SH3D19: variants seen among roughly 807,000 people sequenced by gnomAD.
SH3D19 encodes the protein SH3 domain-containing protein 19.
A neutral mutation model predicts 112.1 loss-of-function variants in SH3D19; 58 were observed. That is an observed-to-expected ratio of 0.52 (90% CI 0.42 to 0.64). The LOEUF (loss-of-function observed/expected upper bound fraction) is 0.64, where lower values mean the gene tolerates loss of function less well. Ranked by LOEUF, SH3D19 falls within the 30% of genes least tolerant of loss-of-function variation. The probability of loss-of-function intolerance (pLI) is 0.00; values close to 1 mark genes in which losing one functional copy is unlikely to be tolerated. For synonymous variants in SH3D19, 391 were observed against 448.5 expected (o/e 0.87, Z 1.62); for missense variants, 1,090 against 1,263.4 (o/e 0.86, Z 2.08).
intron 1 of SH3D19, chr4:151,283,089 A>C (rs776225423): frequency 6.2e-7 from 1 of 1,609,612 alleles, no homozygotes; most frequent in Non-Finnish European, 8.5e-7. Context: ...AGGTTGCTTT[A>C]ATCTTTTGTT....
chr4:151,203,175 A>G (rs1330975661), intron 2 of SH3D19, among the ~76,000 whole-genome samples: 3 of 152,144 alleles, frequency 2.0e-5, no homozygotes, highest in Non-Finnish European at 2.9e-5. Context: ...TGGAATTCCC[A>G]TGACAGGACC....
intron 1 of SH3D19, among the ~76,000 whole-genome samples, chr4:151,301,131 T>TG (rs1402724883): frequency 3.3e-5 from 5 of 152,226 alleles, no homozygotes; most frequent in East Asian, 1.9e-4. Context: ...TGGGGCCTGA[T>TG]GGGGGGTGAT....
intron 19 of SH3D19, among the ~76,000 whole-genome samples, chr4:151,123,448 A>C (rs912205368): frequency 6.6e-6 from 1 of 152,106 alleles, no homozygotes. Flanking sequence ...GGTTTATCAC[A>C]TTCCTCCTAT....
intron 1 of SH3D19, among the ~76,000 whole-genome samples, chr4:151,298,256 C>A (rs1336122478): frequency 7.2e-6 from 1 of 138,106 alleles, no homozygotes; most frequent in Non-Finnish European, 1.5e-5. Context: ...CGGCACACTG[C>A]AACCTCCGCC....
intron 1 of SH3D19, among the ~76,000 whole-genome samples, chr4:151,295,267 G>T (rs1041617678): frequency 6.6e-5 from 10 of 152,166 alleles, no homozygotes; most frequent in African/African-American, 2.4e-4. Context: ...GCCAGGAGGG[G>T]GCCAGGATGG....
chr4:151,319,760 CA>C (rs1730355391), intron 1 of SH3D19, among the ~76,000 whole-genome samples: 2 of 152,136 alleles, frequency 1.3e-5, no homozygotes, highest in South Asian at 4.1e-4. Flanking sequence ...TGTAAGAATC[CA>C]AATGAATGCA....
chr4:151,165,726 T>C (rs1186206701), intron 7 of SH3D19, 30 bp from the exon 8 acceptor site: 1 of 1,587,792 alleles, frequency 6.3e-7, no homozygotes, highest in Non-Finnish European at 8.6e-7. Flanking sequence ...ATTTTGCATG[T>C]TTTAGTTAAC....
intron 16 of SH3D19, 107 bp downstream of exon 16, chr4:151,132,927 C>A: frequency 1.1e-6 from 1 of 950,492 alleles, no homozygotes; most frequent in Non-Finnish European, 1.6e-6. Flanking sequence ...TTTCCTTCTA[C>A]CGTAAAAATA....
At chr4:151,251,229 TG>T (rs1157241733) in intron 1 of SH3D19, among the ~76,000 whole-genome samples, 3 of 151,106 alleles carry the variant, frequency 2.0e-5, no homozygotes, top group Admixed American at 2.0e-4. Context: ...GACGGAGTCT[TG>T]CTCTATCACC....
chr4:151,272,196 A>G (rs1049823866), intron 1 of SH3D19, among the ~76,000 whole-genome samples: 3 of 152,256 alleles, frequency 2.0e-5, no homozygotes, highest in African/African-American at 7.2e-5. Flanking sequence ...AAAGATAAAT[A>G]GATAAAATAC....
intron 19 of SH3D19, among the ~76,000 whole-genome samples, chr4:151,124,675 G>A (rs1579597142): frequency 6.6e-6 from 1 of 151,862 alleles, no homozygotes; most frequent in South Asian, 2.1e-4. Flanking sequence ...CCGAGATCGC[G>A]CCGCTGACTG....
chr4:151,227,756 T>C (rs1202094705), intron 1 of SH3D19: 1 of 985,334 alleles, frequency 1.0e-6, no homozygotes, highest in Admixed American at 6.1e-5. Flanking sequence ...GCAACAACTC[T>C]TACCTGTGGC....
intron 3 of SH3D19, chr4:151,181,784 C>T (rs987864224): frequency 2.0e-5 from 3 of 152,120 alleles, no homozygotes; most frequent in East Asian, 3.9e-4. Context: ...AAAGAGTGAA[C>T]CTAGTTGCCT....
chr4:151,305,773 A>T (rs1336649896), intron 1 of SH3D19, among the ~76,000 whole-genome samples: 1 of 152,240 alleles, frequency 6.6e-6, no homozygotes. Flanking sequence ...TTGGAAATTT[A>T]TTATAAAGTT....
chr4:151,237,006 C>A (rs957567974), intron 1 of SH3D19, among the ~76,000 whole-genome samples: 1 of 152,312 alleles, frequency 6.6e-6, no homozygotes, highest in South Asian at 2.1e-4. Flanking sequence ...ATGCTGAAGT[C>A]CCCTTCCATA....
At chr4:151,129,522 A>G (rs974631267) in intron 17 of SH3D19, among the ~76,000 whole-genome samples, 1 of 152,162 alleles carries the variant, frequency 6.6e-6, no homozygotes, top group African/African-American at 2.4e-5. Flanking sequence ...GGTGCACACC[A>G]CCACACCCAG....
intron 1 of SH3D19, among the ~76,000 whole-genome samples, chr4:151,240,858 T>A (rs1165397404): frequency 6.6e-6 from 1 of 151,968 alleles, no homozygotes; most frequent in African/African-American, 2.4e-5. Context: ...GTAGCATTAT[T>A]TGTAATAGCC....
intron 19 of SH3D19, among the ~76,000 whole-genome samples, chr4:151,122,511 T>TCACACA (rs3064664): frequency 0.59 from 87,155 of 148,322 alleles, 28,904 homozygotes; most frequent in Non-Finnish European, 0.77. Flanking sequence ...ATACCAGTTA[T>TCACACA]CACACACACA....
At chr4:151,189,350 T>A (rs1465081107) in intron 2 of SH3D19, among the ~76,000 whole-genome samples, 1 of 152,060 alleles carries the variant, frequency 6.6e-6, no homozygotes, top group African/African-American at 2.4e-5. Context: ...CCTGACCTTG[T>A]GATCTGCCCG....
Sources: allele counts gnomAD v4.1 joint callset (sites outside exome capture counted in the v4.1 genomes callset), GRCh38; gene constraint gnomAD v4.1.1; transcripts MANE v1.5; gene names NCBI Gene and HGNC (gene_info 2026-07-23, HGNC 2026-07-21).